SGCD: variants seen among roughly 807,000 people sequenced by gnomAD.
SGCD encodes the protein delta-sarcoglycan.
SGCD carries 18 observed loss-of-function variants against 36.6 expected under a neutral mutation model. That is an observed-to-expected ratio of 0.49 (90% confidence interval 0.34 to 0.73). The LOEUF is 0.73. Ranked by LOEUF, SGCD falls within the 30% of genes least tolerant of loss-of-function variation. The pLI is 0.01. For synonymous variants in SGCD, 133 were observed against 130.6 expected, an observed-to-expected ratio of 1.02 and a Z score of -0.12; for missense variants, 387 against 346.7, an observed-to-expected ratio of 1.12 and a Z score of -0.92.
intron 1 of SGCD, among the ~76,000 whole-genome samples, chr5:155,990,848 G>A: frequency 6.6e-6 from 1 of 152,124 alleles, no homozygotes; most frequent in East Asian, 1.9e-4. Context: ...AGGTAAATTG[G>A]TGGAGCTGGG....
intron 3 of SGCD, among the ~76,000 whole-genome samples, chr5:156,160,706 G>A (rs534669869): frequency 2.7e-5 from 4 of 150,374 alleles, no homozygotes; most frequent in Non-Finnish European, 4.4e-5. Context: ...CTTGATTTAA[G>A]TTTCTGATTT....
At chr5:156,756,506 C>A (rs1312077308) in intron 7 of SGCD, among the ~76,000 whole-genome samples, 2 of 152,162 alleles carry the variant, frequency 1.3e-5, no homozygotes, top group East Asian at 3.9e-4. Context: ...TGCCACTGCA[C>A]TCCAGCCTGA....
At chr5:155,942,330 G>GTATCTATCTATCTATCTATC (rs1272237547) in intron 1 of SGCD, among the ~76,000 whole-genome samples, 1,856 of 135,464 alleles carry the variant, frequency 0.014, 12 homozygotes, top group Non-Finnish European at 0.017. Context: ...ATGTATGTAT[G>GTATCTATCTATCTATCTATC]TATGTATCTA....
At chr5:156,690,265 C>G (rs1754059670) in intron 7 of SGCD, among the ~76,000 whole-genome samples, 1 of 152,166 alleles carries the variant, frequency 6.6e-6, no homozygotes, top group South Asian at 2.1e-4. Context: ...GATTCAAACC[C>G]AGGCAGCCTA....
intron 6 of SGCD, among the ~76,000 whole-genome samples, chr5:156,610,295 T>C (rs1277392495): frequency 6.6e-6 from 1 of 152,208 alleles, no homozygotes; most frequent in Non-Finnish European, 1.5e-5. Context: ...TGTTGGAGTT[T>C]GCTGGAGGTC....
At chr5:155,999,341 G>A (rs1203466977) in intron 1 of SGCD, among the ~76,000 whole-genome samples, 1 of 152,204 alleles carries the variant, frequency 6.6e-6, no homozygotes, top group Non-Finnish European at 1.5e-5. Flanking sequence ...ACACGGATGG[G>A]TTTGGTGTCC....
At chr5:156,226,291 C>T (rs1764856267) in intron 3 of SGCD, among the ~76,000 whole-genome samples, 1 of 152,118 alleles carries the variant, frequency 6.6e-6, no homozygotes, top group Admixed American at 6.6e-5. Flanking sequence ...CATAGCTTAG[C>T]TCTCACTTAT....
intron 1 of SGCD, among the ~76,000 whole-genome samples, chr5:156,114,053 G>A (rs181627469): frequency 6.6e-6 from 1 of 152,202 alleles, no homozygotes; most frequent in East Asian, 1.9e-4. Context: ...AAACTACTCT[G>A]TATGATACTA....
At chr5:156,006,587 G>A (rs895434044) in intron 1 of SGCD, among the ~76,000 whole-genome samples, 1 of 152,046 alleles carries the variant, frequency 6.6e-6, no homozygotes, top group Non-Finnish European at 1.5e-5. Flanking sequence ...CACTCAACAT[G>A]AGAAAGGAAA....
intron 3 of SGCD, among the ~76,000 whole-genome samples, chr5:156,479,288 G>T (rs1017897060): frequency 6.6e-6 from 1 of 151,878 alleles, no homozygotes; most frequent in Admixed American, 6.6e-5. Flanking sequence ...TAGAGACGGG[G>T]TTTCAACATG....
chr5:156,308,175 A>T (rs1171884115), intron 3 of SGCD, among the ~76,000 whole-genome samples: 1 of 152,194 alleles, frequency 6.6e-6, no homozygotes, highest in Non-Finnish European at 1.5e-5. Context: ...GGTTTAATTG[A>T]CTCACAGTTC....
rs565756751 is a variant in SGCD at position 156,179,332 on chromosome 5, A to G, written c.-44+55313A>G. Among the ~76,000 whole-genome samples, 8 of 152,310 alleles carry G rather than the reference A, an allele frequency of 5.3e-5. No homozygotes were observed. In the South Asian group the frequency reaches 6.2e-4, roughly 12 times the overall value. On this transcript the variant is annotated intron_variant, in intron 3 of 9. Coordinates refer to the SGCD transcript ENST00000517913. Reference sequence around the variant, plus strand: ...CAGCTACATGCAATTTTTCATGGCTATATAAAATCCCATTATACGGGTGTA... The same window carrying G: ...CAGCTACATGCAATTTTTCATGGCTGTATAAAATCCCATTATACGGGTGTA...
At chr5:156,209,925 C>T (rs1199464933) in intron 3 of SGCD, among the ~76,000 whole-genome samples, 1 of 152,166 alleles carries the variant, frequency 6.6e-6, no homozygotes, top group Non-Finnish European at 1.5e-5. Flanking sequence ...GGGCAGTGCA[C>T]AATGGGCTCA....
chr5:156,400,909 C>G (rs776853849), intron 3 of SGCD, among the ~76,000 whole-genome samples: 8 of 152,166 alleles, frequency 5.3e-5, no homozygotes, highest in African/African-American at 9.7e-5. Context: ...GCATTTGGCT[C>G]TTATGTTTTG....
chr5:156,263,694 A>T (rs982890998), intron 3 of SGCD, among the ~76,000 whole-genome samples: 1 of 152,078 alleles, frequency 6.6e-6, no homozygotes, highest in East Asian at 1.9e-4. Context: ...GATTTTTCTC[A>T]TGTTATCTTC....
intron 3 of SGCD, among the ~76,000 whole-genome samples, chr5:156,203,828 G>C (rs888479272): frequency 6.6e-6 from 1 of 152,022 alleles, no homozygotes; most frequent in African/African-American, 2.4e-5. Context: ...GCTCCATCCA[G>C]TACTATGACA....
chr5:156,091,438 T>A (rs1328394127), intron 1 of SGCD, among the ~76,000 whole-genome samples: 3 of 152,196 alleles, frequency 2.0e-5, no homozygotes, highest in African/African-American at 4.8e-5. Context: ...AGCTCAGCCC[T>A]CTGTGCAGCA....
chr5:155,862,092 C>T, the SGCD span, among the ~76,000 whole-genome samples: 3 of 152,158 alleles, frequency 2.0e-5, no homozygotes, highest in Non-Finnish European at 2.9e-5. Flanking sequence ...ACACATGTCT[C>T]GTGGCACTTT....
intron 1 of SGCD, among the ~76,000 whole-genome samples, chr5:156,111,608 C>G (rs1248597296): frequency 6.6e-6 from 1 of 152,036 alleles, no homozygotes; most frequent in Non-Finnish European, 1.5e-5. Flanking sequence ...CACAGGAGAT[C>G]CAGCACTCTT....
Sources: allele counts gnomAD v4.1 joint callset (sites outside exome capture counted in the v4.1 genomes callset), GRCh38; gene constraint gnomAD v4.1.1; transcripts MANE v1.5; gene names NCBI Gene and HGNC (gene_info 2026-07-23, HGNC 2026-07-21).